GRIA4: variants seen among roughly 807,000 people sequenced by gnomAD.
GRIA4 encodes glutamate receptor 4.
GRIA4 carries 34 observed loss-of-function variants against 104.0 expected under a neutral mutation model. That is an observed-to-expected ratio of 0.33 (90% CI 0.25 to 0.44). GRIA4 has a LOEUF of 0.44. Among genes scored for constraint, GRIA4 ranks in the 20% least tolerant of loss-of-function variants. The pLI is 1.00. For missense variants in GRIA4, 750 were observed against 1,096.5 expected (o/e 0.68, Z 4.46); for synonymous variants, 386 against 381.9 (o/e 1.01, Z -0.13).
chr11:105,618,924 A>G (rs1027207838), intron 3 of GRIA4, among the ~76,000 whole-genome samples: 2 of 152,022 alleles, frequency 1.3e-5, no homozygotes, highest in African/African-American at 4.8e-5. Flanking sequence ...GAGTAATTTC[A>G]TAGAAGCCAA....
At chr11:105,727,149 G>T (rs1410322655) in intron 3 of GRIA4, among the ~76,000 whole-genome samples, 2 of 151,964 alleles carry the variant, frequency 1.3e-5, no homozygotes, top group Non-Finnish European at 2.9e-5. Context: ...AAAAAGGTTA[G>T]AGGAATTGCT....
intron 4 of GRIA4, among the ~76,000 whole-genome samples, chr11:105,786,101 A>G (rs1179439225): frequency 7.2e-6 from 1 of 139,108 alleles, no homozygotes; most frequent in Non-Finnish European, 1.5e-5. Flanking sequence ...GCCGAGATCG[A>G]GCCACTACAT....
intron 3 of GRIA4, among the ~76,000 whole-genome samples, chr11:105,638,539 A>ATGTGTG (rs66610848): frequency 4.7e-5 from 7 of 149,484 alleles, no homozygotes; most frequent in South Asian, 4.2e-4. Context: ...GTGCGCGTGT[A>ATGTGTG]TGTGTGTGTG....
chr11:105,834,463 C>T (rs1421033895), intron 4 of GRIA4, among the ~76,000 whole-genome samples: 6 of 152,058 alleles, frequency 3.9e-5, no homozygotes, highest in Admixed American at 3.3e-4. Flanking sequence ...TACAGCCTCA[C>T]TAAACAGAGT....
At chr11:105,672,166 T>A (rs190055712) in intron 3 of GRIA4, among the ~76,000 whole-genome samples, 3 of 152,270 alleles carry the variant, frequency 2.0e-5, no homozygotes, top group Admixed American at 6.5e-5. Flanking sequence ...AAATAAATTT[T>A]AAAAATCAGT....
At chr11:105,737,369 T>C (rs1939017228) in intron 3 of GRIA4, among the ~76,000 whole-genome samples, 1 of 152,174 alleles carries the variant, frequency 6.6e-6, no homozygotes, top group Admixed American at 6.6e-5. Context: ...AAATTGTTTT[T>C]ACATGTGAAT....
intron 3 of GRIA4, among the ~76,000 whole-genome samples, chr11:105,680,874 C>A (rs529491258): frequency 1.3e-5 from 2 of 152,282 alleles, no homozygotes; most frequent in East Asian, 3.9e-4. Flanking sequence ...CACCTCCTTG[C>A]AAGCAGACAT....
intron 11 of GRIA4, among the ~76,000 whole-genome samples, chr11:105,922,344 G>A (rs1947587947): frequency 2.0e-5 from 3 of 152,230 alleles, no homozygotes; most frequent in South Asian, 4.1e-4. Flanking sequence ...TGCTGGGGAT[G>A]GTAGAAATTT....
intron 2 of GRIA4, among the ~76,000 whole-genome samples, chr11:105,611,794 G>A (rs1950487772): frequency 1.3e-5 from 2 of 152,128 alleles, no homozygotes; most frequent in African/African-American, 2.4e-5. Context: ...ATCATTTCTC[G>A]TGGACTGTGC....
At chr11:105,769,733 C>T (rs903761442) in intron 4 of GRIA4, among the ~76,000 whole-genome samples, 17 of 151,782 alleles carry the variant, frequency 1.1e-4, no homozygotes, top group African/African-American at 4.1e-4. Flanking sequence ...AGTCTGCAGG[C>T]AAGAAAAACT....
At chr11:105,791,107 C>A (rs1942194710) in intron 4 of GRIA4, among the ~76,000 whole-genome samples, 2 of 152,096 alleles carry the variant, frequency 1.3e-5, no homozygotes, top group African/African-American at 4.8e-5. Context: ...TCTTGCTGAT[C>A]ATGTCTGAGG....
At chr11:105,885,753 T>C (rs550218073) in intron 5 of GRIA4, among the ~76,000 whole-genome samples, 1 of 152,380 alleles carries the variant, frequency 6.6e-6, no homozygotes, top group South Asian at 2.1e-4. Flanking sequence ...GAATCTGTCG[T>C]CACAGCCTTG....
chr11:105,747,548 T>C (rs572800921), intron 3 of GRIA4, among the ~76,000 whole-genome samples: 1 of 152,226 alleles, frequency 6.6e-6, no homozygotes, highest in Admixed American at 6.5e-5. Context: ...TATGGAGATA[T>C]TTACTAAAAT....
chr11:105,682,163 T>C (rs1467609168), intron 3 of GRIA4, among the ~76,000 whole-genome samples: 1 of 152,208 alleles, frequency 6.6e-6, no homozygotes, highest in African/African-American at 2.4e-5. Context: ...TAGCCTAGTA[T>C]ATAGTTTACA....
intron 3 of GRIA4, among the ~76,000 whole-genome samples, chr11:105,702,844 A>G (rs1424261959): frequency 6.6e-6 from 1 of 151,758 alleles, no homozygotes; most frequent in Non-Finnish European, 1.5e-5. Context: ...ACAGGCATGT[A>G]CTATGACACC....
At chr11:105,642,514 T>C (rs9667155) in intron 3 of GRIA4, among the ~76,000 whole-genome samples, 134,553 of 136,450 alleles carry the variant, frequency 0.99, 66,361 homozygotes, top group East Asian at 1. Flanking sequence ...CTAGGCTATA[T>C]AATCAACATT....
chr11:105,620,691 C>T (rs1398808016), intron 3 of GRIA4, among the ~76,000 whole-genome samples: 3 of 151,732 alleles, frequency 2.0e-5, no homozygotes, highest in African/African-American at 4.8e-5. Flanking sequence ...CTTTATATTG[C>T]CAAATTCATG....
intron 3 of GRIA4, among the ~76,000 whole-genome samples, chr11:105,691,711 C>T (rs754851088): frequency 2.0e-5 from 3 of 151,798 alleles, no homozygotes; most frequent in South Asian, 2.1e-4. Flanking sequence ...CCGAGGTGGG[C>T]GAATCAGGGG....
chr11:105,952,952 A>G (rs1591481197), intron 14 of GRIA4, among the ~76,000 whole-genome samples: 1 of 152,314 alleles, frequency 6.6e-6, no homozygotes, highest in East Asian at 1.9e-4. Context: ...TTTTCTAAAA[A>G]CTTTTTGCAT....
Sources: gnomAD v4.1 joint callset for allele counts (sites outside exome capture counted in the v4.1 genomes callset) on GRCh38, gnomAD v4.1.1 for gene constraint, MANE v1.5 for transcripts, NCBI Gene and HGNC (gene_info 2026-07-23, HGNC 2026-07-21) for gene names.